Variants in ATP11C observed in about 807,000 individuals in gnomAD.
The protein encoded by ATP11C is phospholipid-transporting ATPase IG.
A neutral mutation model predicts 97.4 loss-of-function variants in ATP11C; 36 were observed. That is an observed-to-expected ratio of 0.37 (90% confidence interval 0.28 to 0.49). The LOEUF (loss-of-function observed/expected upper bound fraction) is 0.49, where lower values mean the gene tolerates loss of function less well. Among genes scored for constraint, ATP11C ranks in the 20% least tolerant of loss-of-function variants. ATP11C has a pLI of 0.98. For synonymous variants in ATP11C, 275 were observed against 290.9 expected (o/e 0.95, Z 0.56); for missense variants, 730 against 824.6 (o/e 0.89, Z 1.40).
chrX:139,880,959 C>T (rs1291233364), intron 1 of ATP11C, among the ~76,000 whole-genome samples: 1 of 111,775 alleles, frequency 8.9e-6, no homozygotes, highest in East Asian at 2.8e-4. Flanking sequence ...CAGTCTGGGA[C>T]ACAGCAGCCC....
chrX:139,825,756 A>G (rs886418209), intron 2 of ATP11C, among the ~76,000 whole-genome samples: 6 of 112,669 alleles, frequency 5.3e-5, no homozygotes, highest in Admixed American at 1.9e-4. Flanking sequence ...CTAAGTGATT[A>G]CAAGTGTACA....
At chrX:139,775,093 A>G (rs1027786371) in intron 18 of ATP11C, 140 bp from the exon 19 acceptor site, 18 of 571,041 alleles carry the variant, frequency 3.2e-5, no homozygotes, top group Admixed American at 4.7e-5. Flanking sequence ...TTTCATATAC[A>G]TCCCCTACTC....
intron 27 of ATP11C, among the ~76,000 whole-genome samples, chrX:139,740,382 AC>A (rs1195442834): frequency 9.0e-6 from 1 of 111,555 alleles, no homozygotes; most frequent in Admixed American, 9.5e-5. Flanking sequence ...CAAGCACAAA[AC>A]TGATTCTGAA....
chrX:139,781,201 A>C (rs17281969), intron 18 of ATP11C, among the ~76,000 whole-genome samples: 5,647 of 111,943 alleles, frequency 0.05, 241 homozygotes, highest in East Asian at 0.29. Flanking sequence ...ACAGAATAAC[A>C]ATGAAATTAG....
At chrX:139,830,993 A>G (rs949322926) in intron 1 of ATP11C, among the ~76,000 whole-genome samples, 1 of 111,315 alleles carries the variant, frequency 9.0e-6, no homozygotes. Flanking sequence ...AATAACTACA[A>G]TGTATTCGGT....
chrX:139,877,601 G>T, intron 1 of ATP11C, among the ~76,000 whole-genome samples: 1 of 112,029 alleles, frequency 8.9e-6, no homozygotes, highest in East Asian at 2.8e-4. Context: ...TTAAAGAATT[G>T]ACTTGCGTCC....
chrX:139,743,613 G>A lies in ATP11C; in HGVS notation c.2976C>T (p.Asn992=), dbSNP rs141641436. The change falls in exon 26 of 30, where the codon AAC becomes AAT. Residue 992 remains asparagine (N), a synonymous_variant. Transcript: ENST00000682941. The part of the protein sequence containing the change: ...SLEENGKVYG[N]WTFGTIVFTV... ...TAAAAACAATGGTTCCAAAAGTCCA[G>A]TTTCCGTATACCTGAAAAACATTTA... 2.7e-5 allele frequency: 31 copies of A among 1,146,260 alleles called. No homozygotes were observed. In the East Asian group the frequency reaches 9.4e-4, roughly 35 times the overall value. The allele number at this position is 1,146,260 out of a possible 1,213,427, so 94.5% of individuals were successfully genotyped here.
chrX:139,862,646 G>C (rs1364014394), intron 1 of ATP11C, among the ~76,000 whole-genome samples: 1 of 111,698 alleles, frequency 9.0e-6, no homozygotes, highest in Non-Finnish European at 1.9e-5. Context: ...TTATAAAGTA[G>C]GTTTCATCAT....
intron 16 of ATP11C, among the ~76,000 whole-genome samples, chrX:139,784,857 A>G (rs1484235421): frequency 1.8e-5 from 2 of 111,425 alleles, no homozygotes; most frequent in Non-Finnish European, 3.8e-5. Context: ...TTCTGCTGCT[A>G]GTAATCCCAA....
chrX:139,752,837 G>A (rs1254027600), intron 23 of ATP11C, among the ~76,000 whole-genome samples: 1 of 111,787 alleles, frequency 8.9e-6, no homozygotes, highest in African/African-American at 3.2e-5. Flanking sequence ...AAGGTTGATG[G>A]CACTTCCAAA....
At chrX:139,929,351 G>A (rs143789473) in intron 1 of ATP11C, among the ~76,000 whole-genome samples, 16 of 111,713 alleles carry the variant, frequency 1.4e-4, no homozygotes, top group Admixed American at 4.7e-4. Flanking sequence ...AGTTATTAAT[G>A]GCAAAGAAGT....
rs770030332 is a variant in ATP11C, at chrX:139,777,472, A to T, written c.1953-2519T>A. Among the ~76,000 whole-genome samples the T allele has an allele frequency of 1.8e-3, 188 of 104,654 alleles. 1 individual carries two copies. The highest frequency in any genetic ancestry group is 3.1e-3 in the Admixed American group (30 of 9,686). The allele number at this position is 104,654 out of a possible 115,157, so 90.9% of individuals were successfully genotyped here. On this transcript the variant is annotated intron_variant, in intron 18 of 29. Transcript: ENST00000682941. The stretch of plus-strand genomic sequence containing the variant: ...GTCTTTCAAATTAATCCAGTCAGAT[A>T]AAAAAAAAAAAATTTCAACATGAGC...
chrX:139,913,331 T>C (rs2085105658), intron 1 of ATP11C, among the ~76,000 whole-genome samples: 1 of 111,918 alleles, frequency 8.9e-6, no homozygotes, highest in African/African-American at 3.3e-5. Flanking sequence ...TTGAGTTTAA[T>C]TAATTCTAGA....
At chrX:139,911,372 T>C (rs1228943829) in intron 1 of ATP11C, among the ~76,000 whole-genome samples, 2 of 111,726 alleles carry the variant, frequency 1.8e-5, no homozygotes, top group Non-Finnish European at 3.8e-5. Context: ...TATGCAAAAA[T>C]GTTTAACTTC....
chrX:139,747,771 C>A (rs1425680834), intron 24 of ATP11C, among the ~76,000 whole-genome samples: 1 of 111,622 alleles, frequency 9.0e-6, no homozygotes, highest in Non-Finnish European at 1.9e-5. Flanking sequence ...TATAGGAAGA[C>A]CAGGGCTTCA....
intron 2 of ATP11C, among the ~76,000 whole-genome samples, chrX:139,821,595 T>C (rs1352226777): frequency 8.9e-6 from 1 of 112,307 alleles, no homozygotes; most frequent in Non-Finnish European, 1.9e-5. Context: ...TTTGCTGTTG[T>C]CGTTTTTAAG....
At chrX:139,907,684 G>A (rs1021987442) in intron 1 of ATP11C, among the ~76,000 whole-genome samples, 9 of 109,271 alleles carry the variant, frequency 8.2e-5, no homozygotes, top group Non-Finnish European at 1.5e-4. Flanking sequence ...GGAGGCGGAG[G>A]TTACAGTGAG....
Position 139,738,908 on chromosome X carries a change from GCTC to G in ATP11C, c.3135-842_3135-840del, listed in dbSNP as rs758348694. 1.4e-4 allele frequency among the ~76,000 whole-genome samples: 16 copies of G among 111,094 alleles called. No homozygotes were observed. In the South Asian group the frequency reaches 5.4e-3, roughly 38 times the overall value. On this transcript the variant is annotated intron_variant, in intron 27 of 29. Coordinates refer to ENST00000682941, the MANE Select transcript of ATP11C (RefSeq NM_001353812.2). The stretch of plus-strand genomic sequence containing the variant: ...AAAGAGCTCCAGGTAGATAACCATG[GCTC>G]CTGTTTATTAGATGACACATCATGC...
intron 6 of ATP11C, among the ~76,000 whole-genome samples, chrX:139,802,981 AC>A (rs775295160): frequency 3.5e-4 from 39 of 111,893 alleles, no homozygotes; most frequent in Non-Finnish European, 6.2e-4. Context: ...GCGCCAATGA[AC>A]CCACTTATAA....
Sources: gnomAD v4.1 joint callset for allele counts (sites outside exome capture counted in the v4.1 genomes callset) on GRCh38, gnomAD v4.1.1 for gene constraint, MANE v1.5 for transcripts, NCBI Gene and HGNC (gene_info 2026-07-23, HGNC 2026-07-21) for gene names.